Variants in ATRNL1 observed in about 807,000 individuals in gnomAD.
The protein encoded by ATRNL1 is attractin like 1, also known as attractin-like protein 1.
ATRNL1 carries 95 observed loss-of-function variants against 182.7 expected under a neutral mutation model. The ratio of observed to expected loss-of-function variants is 0.52; its 90% CI spans 0.44 to 0.62. The LOEUF (loss-of-function observed/expected upper bound fraction) is 0.62. Ranked by LOEUF, ATRNL1 falls within the 20% of genes least tolerant of loss-of-function variation. The probability of loss-of-function intolerance (pLI) is 0.00; values close to 1 mark genes in which losing one functional copy is unlikely to be tolerated. For missense variants in ATRNL1, 1,471 were observed against 1,679.5 expected, an observed-to-expected ratio of 0.88 and a Z score of 2.17; for synonymous variants, 576 against 568.3, an observed-to-expected ratio of 1.01 and a Z score of -0.19.
chr10:115,720,198 A>G (rs1555057417), intron 26 of ATRNL1, among the ~76,000 whole-genome samples: 1 of 152,014 alleles, frequency 6.6e-6, no homozygotes, highest in African/African-American at 2.4e-5. Flanking sequence ...TTTCATGAAG[A>G]CTTACAAATG....
intron 5 of ATRNL1, among the ~76,000 whole-genome samples, chr10:115,152,049 C>T (rs1399909932): frequency 6.6e-6 from 1 of 152,138 alleles, no homozygotes; most frequent in Non-Finnish European, 1.5e-5. Flanking sequence ...TTTCTGAGGG[C>T]TCTGCTCTGT....
At chr10:115,127,109 T>C (rs1425225845) in intron 3 of ATRNL1, among the ~76,000 whole-genome samples, 2 of 152,194 alleles carry the variant, frequency 1.3e-5, no homozygotes, top group African/African-American at 4.8e-5. Flanking sequence ...CCTAGATAAA[T>C]GTATTGGAAA....
intron 25 of ATRNL1, among the ~76,000 whole-genome samples, chr10:115,525,700 C>A (rs184165126): frequency 2.0e-5 from 3 of 152,202 alleles, no homozygotes; most frequent in Non-Finnish European, 4.4e-5. Flanking sequence ...TTGTACTGGA[C>A]ATTGCATTTT....
At chr10:115,708,659 G>A (rs374346385) in intron 26 of ATRNL1, among the ~76,000 whole-genome samples, 6 of 151,736 alleles carry the variant, frequency 4.0e-5, no homozygotes, top group Middle Eastern at 3.4e-3. Flanking sequence ...GTATGCTTGC[G>A]TCATTTCCAA....
Position 115,948,798 on chromosome 10 carries a change from G to C in ATRNL1, c.*4019G>C, listed in dbSNP as rs1198702819. 1 of 152,128 alleles carries C rather than the reference G, an allele frequency of 6.6e-6. No homozygotes were observed. Among genetic ancestry groups the C allele is most frequent in the Non-Finnish European group, 1.5e-5 (1 of 68,018 alleles). 9.4% of individuals were successfully genotyped at this position (152,128 alleles called of 1,614,324 possible). On this transcript the variant is annotated 3_prime_UTR_variant, in exon 29 of 29. Transcript: ENST00000355044. ...ATTAGAGTGTACATTTAACATTTTA[G>C]TTTTATCAAAATTTTTTGAAATTAA...
At chr10:115,747,869 T>C (rs1171358446) in intron 27 of ATRNL1, among the ~76,000 whole-genome samples, 2 of 152,038 alleles carry the variant, frequency 1.3e-5, no homozygotes, top group Non-Finnish European at 2.9e-5. Flanking sequence ...AATAGTGCCT[T>C]CTTGCTGTAT....
chr10:115,764,138 A>G (rs1182769062), intron 27 of ATRNL1, among the ~76,000 whole-genome samples: 2 of 152,216 alleles, frequency 1.3e-5, no homozygotes, highest in Non-Finnish European at 2.9e-5. Context: ...ACGTTTTTAA[A>G]AAATTAAAGA....
At chr10:115,570,233 A>C (rs1420020001) in intron 26 of ATRNL1, among the ~76,000 whole-genome samples, 3 of 152,126 alleles carry the variant, frequency 2.0e-5, no homozygotes, top group African/African-American at 7.2e-5. Flanking sequence ...AAGTGCTGGG[A>C]TTTCAGCTAT....
chr10:115,794,071 C>T (rs1949593394), intron 27 of ATRNL1, among the ~76,000 whole-genome samples: 2 of 152,104 alleles, frequency 1.3e-5, no homozygotes, highest in African/African-American at 4.8e-5. Context: ...GACAAGTGTG[C>T]ATCAAACGGT....
At position 115,738,126 on chromosome 10, in the gene ATRNL1, A is replaced by ATTTTTTTTTTTTT. The variant is rs10546896; in HGVS notation, c.3903+10789_3903+10801dup. Among the ~76,000 whole-genome samples the ATTTTTTTTTTTTT allele has an allele frequency of 1.4e-3, 68 of 47,100 alleles. 8 individuals are homozygous for ATTTTTTTTTTTTT. Among genetic ancestry groups the ATTTTTTTTTTTTT allele is most frequent in the African/African-American group, 2.8e-3 (42 of 15,224 alleles). The allele number at this position is 47,100 out of a possible 152,430, so 30.9% of individuals were successfully genotyped here. A position where few individuals can be genotyped will look rare whatever the true frequency, so the allele number is the denominator to read the frequency against. ...ATAAAAAATGATTTAGAAGATAATG[A>ATTTTTTTTTTTTT]TTTTTTTTTTTTTTTTTTTTTTTTT... is the stretch of plus-strand genomic sequence containing the variant. On this transcript the variant is annotated intron_variant, in intron 27 of 28. Coordinates refer to ENST00000355044, the MANE Select transcript of ATRNL1 (RefSeq NM_207303.4).
At chr10:115,504,613 C>G (rs1554980835) in intron 24 of ATRNL1, among the ~76,000 whole-genome samples, 1 of 152,026 alleles carries the variant, frequency 6.6e-6, no homozygotes, top group African/African-American at 2.4e-5. Flanking sequence ...TATGAAATTA[C>G]TTGAATAATA....
At chr10:115,842,804 T>C (rs2134342666) in intron 27 of ATRNL1, among the ~76,000 whole-genome samples, 1 of 152,152 alleles carries the variant, frequency 6.6e-6, no homozygotes, top group East Asian at 1.9e-4. Flanking sequence ...TGCCCCTCAC[T>C]AGCTGTCTTA....
intron 17 of ATRNL1, among the ~76,000 whole-genome samples, chr10:115,303,221 G>GTTTTTT (rs5788103): frequency 9.3e-6 from 1 of 107,022 alleles, no homozygotes. Flanking sequence ...TGGTATGCAG[G>GTTTTTT]TTTTTTTTTT....
chr10:115,446,119 T>A (rs1846973346), intron 21 of ATRNL1, among the ~76,000 whole-genome samples: 1 of 152,062 alleles, frequency 6.6e-6, no homozygotes, highest in Admixed American at 6.6e-5. Context: ...ATCAACAGAT[T>A]TTTTTCTTTA....
At chr10:115,306,770 ATTT>A (rs1554926299) in intron 17 of ATRNL1, among the ~76,000 whole-genome samples, 2 of 151,932 alleles carry the variant, frequency 1.3e-5, no homozygotes, top group African/African-American at 4.8e-5. Flanking sequence ...ATATTTAGCT[ATTT>A]TTCTTTTTAT....
chr10:115,152,579 T>C (rs1846290435), intron 5 of ATRNL1, among the ~76,000 whole-genome samples: 2 of 148,722 alleles, frequency 1.3e-5, no homozygotes, highest in Admixed American at 6.6e-5. Flanking sequence ...CCTGAGACTT[T>C]GCTGAAGTTG....
At chr10:115,188,949 G>C (rs1187957407) in intron 8 of ATRNL1, among the ~76,000 whole-genome samples, 1 of 152,038 alleles carries the variant, frequency 6.6e-6, no homozygotes, top group Non-Finnish European at 1.5e-5. Context: ...TGGCATTTGT[G>C]GTAGAGTTTC....
rs1418490311 is a variant in ATRNL1, at chr10:115,278,918, AGGG to A, written c.2101-2435_2101-2433del. On this transcript the variant is annotated intron_variant, in intron 13 of 28. Transcript: ENST00000355044. ...TGCATATGAACATATAAGACTTGAG[AGGG>A]GCCGGGCACAGTGGCATACACCTGT... 5.9e-5 allele frequency among the ~76,000 whole-genome samples: 9 copies of A among 151,990 alleles called. No homozygotes were observed. The East Asian group carries it at 1.7e-3, about 29-fold the overall frequency.
intron 27 of ATRNL1, among the ~76,000 whole-genome samples, chr10:115,809,895 T>C (rs1555086555): frequency 6.6e-6 from 1 of 151,980 alleles, no homozygotes; most frequent in African/African-American, 2.4e-5. Flanking sequence ...AAACATTCAG[T>C]CTTTTACCAT....
Sources: gnomAD v4.1 joint callset for allele counts (sites outside exome capture counted in the v4.1 genomes callset) on GRCh38, gnomAD v4.1.1 for gene constraint, MANE v1.5 for transcripts, NCBI Gene and HGNC (gene_info 2026-07-23, HGNC 2026-07-21) for gene names.